The following ACOX3 variants were observed in gnomAD, a reference collection of about 807,000 sequenced individuals.
ACOX3 encodes the protein peroxisomal acyl-coenzyme A oxidase 3.
A neutral mutation model predicts 81.5 loss-of-function variants in ACOX3; 73 were observed. The ratio of observed to expected loss-of-function variants is 0.90; its 90% CI spans 0.74 to 1.09. ACOX3 has a LOEUF of 1.09. Ranked by LOEUF, ACOX3 falls within the 50% of genes least tolerant of loss-of-function variation. ACOX3 has a pLI of 0.00. For missense variants in ACOX3, 947 were observed against 928.0 expected (o/e 1.02, Z -0.27); for synonymous variants, 387 against 375.1 (o/e 1.03, Z -0.37).
At chr4:8,412,423 G>C (rs1406280919) in intron 5 of ACOX3, among the ~76,000 whole-genome samples, 1 of 140,060 alleles carries the variant, frequency 7.1e-6, no homozygotes, top group Non-Finnish European at 1.5e-5. Context: ...AGAATGAATG[G>C]ATGGATGGAA....
rs1344326392 is a variant in ACOX3, at chr4:8,389,093, C to G, written c.1537+80G>C. 8.1e-7 allele frequency: 1 copy of G among 1,232,770 alleles called. No homozygotes were observed. Among genetic ancestry groups the G allele is most frequent in the South Asian group, 1.3e-5 (1 of 77,226 alleles). The allele number at this position is 1,232,770 out of a possible 1,614,324, so 76.4% of individuals were successfully genotyped here. A position where few individuals can be genotyped will look rare whatever the true frequency, so the allele number is the denominator to read the frequency against. ...CCCGGCTGGAACTGCCAAGGGTCCC[C>G]TCACCGAGGCACGGTGCGTTTCCTG... On this transcript the variant is annotated intron_variant, in intron 13 of 17. Transcript: ENST00000356406. This position sits in a 1 kb window ranked among gnomAD's most constrained non-coding sequence, Gnocchi z 5.3.
chr4:8,393,776 T>C (rs1004378437), intron 10 of ACOX3, among the ~76,000 whole-genome samples: 5 of 152,142 alleles, frequency 3.3e-5, no homozygotes, highest in Admixed American at 2.0e-4. Context: ...ATCAGCCTGG[T>C]CACCCTTTAC....
At chr4:8,420,001 T>A (rs929238948) in intron 1 of ACOX3, among the ~76,000 whole-genome samples, 24 of 152,210 alleles carry the variant, frequency 1.6e-4, no homozygotes, top group Non-Finnish European at 2.6e-4. Context: ...AACCTCCAGT[T>A]ACTGAGCTGG....
At position 8,430,419 on chromosome 4, in the gene ACOX3, CACT is replaced by C. The variant is rs200994397; in HGVS notation, c.-15+10226_-15+10228del. Among the ~76,000 whole-genome samples, 1,198 of 152,286 alleles carry C rather than the reference CACT, an allele frequency of 7.9e-3. 18 individuals are homozygous for C. Among genetic ancestry groups the C allele is most frequent in the African/African-American group, 0.028 (1,148 of 41,566 alleles). On this transcript the variant is annotated intron_variant, in intron 1 of 17. Transcript: ENST00000356406. This position sits in a 1 kb window ranked among gnomAD's most constrained non-coding sequence, Gnocchi z 5.2. Reference sequence around the variant, plus strand: ...TCATGGTCTAATAAAAAATACACACCACTGTTTTTCAAATGTTTGGAGATACTG... The same window carrying C: ...TCATGGTCTAATAAAAAATACACACCGTTTTTCAAATGTTTGGAGATACTG...
rs565029171 is a variant in ACOX3, at chr4:8,399,317, G to A, written c.873+239C>T. Among the ~76,000 whole-genome samples, 1 of 152,358 alleles carries A rather than the reference G, an allele frequency of 6.6e-6. No homozygotes were observed. The highest frequency in any genetic ancestry group is 1.5e-5 in the Non-Finnish European group (1 of 68,040). On this transcript the variant is annotated intron_variant, in intron 8 of 17. Transcript: ENST00000356406. The surrounding 1 kb of genome is among the most constrained non-coding windows in gnomAD (Gnocchi z 4.9). Reference sequence around the variant, plus strand: ...TCCTCTAATCGCAGCCCCCGATGGGGAGTGGGCATTGTAAGGCCCGGACTC... The same window carrying A: ...TCCTCTAATCGCAGCCCCCGATGGGAAGTGGGCATTGTAAGGCCCGGACTC...
intron 6 of ACOX3, among the ~76,000 whole-genome samples, 162 bp downstream of exon 6, chr4:8,410,050 C>T (rs1286647449): frequency 1.3e-5 from 2 of 151,896 alleles, no homozygotes; most frequent in East Asian, 1.9e-4. Context: ...GCACTGTGGG[C>T]GGGGCTATGG....
rs1280058180 is a variant in ACOX3, at chr4:8,437,620, G to A, written c.-15+3028C>T. On this transcript the variant is annotated intron_variant, in intron 1 of 17. Transcript: ENST00000356406. This position sits in a 1 kb window ranked among gnomAD's most constrained non-coding sequence, Gnocchi z 5.2. ...AGAGAGATTAGCAATGCGAGAGGAC[G>A]TGGACACGGATGTAGACGTGGAAGA... Among the ~76,000 whole-genome samples the A allele has an allele frequency of 3.9e-5, 6 of 152,226 alleles. No homozygotes were observed. The highest frequency in any genetic ancestry group is 1.4e-4 in the African/African-American group (6 of 41,460).
chr4:8,432,477 C>A lies in ACOX3; in HGVS notation c.-15+8171G>T, dbSNP rs569430979. On this transcript the variant is annotated intron_variant, in intron 1 of 17. Transcript: ENST00000356406. The surrounding 1 kb of genome is among the most constrained non-coding windows in gnomAD (Gnocchi z 6.2). ...CTCGATCTCCTGACCTTGTGATCCA[C>A]CCACCTCGGCCTCCCAATGTGCTGG... Among the ~76,000 whole-genome samples the A allele has an allele frequency of 8.6e-4, 131 of 152,322 alleles. 1 individual carries two copies. Among genetic ancestry groups the A allele is most frequent in the African/African-American group, 3.1e-3 (129 of 41,576 alleles).
chr4:8,411,269 C>T (rs551007130), intron 5 of ACOX3, among the ~76,000 whole-genome samples: 25 of 152,330 alleles, frequency 1.6e-4, no homozygotes, highest in African/African-American at 5.3e-4. Flanking sequence ...TAGGGGCTGT[C>T]GTGGCTAAGT....
chr4:8,415,479 G>A (rs1045370711), intron 3 of ACOX3, among the ~76,000 whole-genome samples: 25 of 148,812 alleles, frequency 1.7e-4, no homozygotes, highest in Non-Finnish European at 2.8e-4. Flanking sequence ...AGTCCCAACA[G>A]CTCCTCTTCT....
intron 9 of ACOX3, among the ~76,000 whole-genome samples, chr4:8,396,705 T>A (rs1461370067): frequency 6.7e-6 from 1 of 149,834 alleles, no homozygotes; most frequent in East Asian, 2.0e-4. Context: ...AAAAAAAGAC[T>A]TGCTTCTTTC....
chr4:8,380,170 A>G (rs1206326785), intron 14 of ACOX3, among the ~76,000 whole-genome samples: 1 of 148,886 alleles, frequency 6.7e-6, no homozygotes, highest in Non-Finnish European at 1.5e-5. Flanking sequence ...CTTTTCAGTT[A>G]TAAATTCAAT....
At chr4:8,435,358 T>C (rs1297562765) in intron 1 of ACOX3, among the ~76,000 whole-genome samples, 1 of 152,230 alleles carries the variant, frequency 6.6e-6, no homozygotes, top group African/African-American at 2.4e-5. Flanking sequence ...TAGCCAGGCG[T>C]GCTGGCGGGC....
chr4:8,361,647 C>T (rs779401621), downstream of ACOX3, among the ~76,000 whole-genome samples: 11 of 152,020 alleles, frequency 7.2e-5, no homozygotes, highest in Non-Finnish European at 1.6e-4. Flanking sequence ...AAAAACCTGC[C>T]TATGACCTGC....
downstream of ACOX3, among the ~76,000 whole-genome samples, chr4:8,361,727 A>C (rs572609206): frequency 6.6e-6 from 1 of 152,320 alleles, no homozygotes; most frequent in South Asian, 2.1e-4. Flanking sequence ...AAACTGATTA[A>C]GTTTGAACAC....
At chr4:8,404,435 CTTTTTTT>C (rs370622347) in intron 7 of ACOX3, among the ~76,000 whole-genome samples, 1,288 of 125,368 alleles carry the variant, frequency 0.01, 17 homozygotes, top group African/African-American at 0.031. Flanking sequence ...TCTTGTTTTG[CTTTTTTT>C]TTTTTTTTTT....
intron 1 of ACOX3, among the ~76,000 whole-genome samples, chr4:8,436,760 G>A (rs1389838603): frequency 6.6e-6 from 1 of 151,608 alleles, no homozygotes; most frequent in Non-Finnish European, 1.5e-5. Flanking sequence ...GAGGTGGGCA[G>A]ATCAAGAGGT....
intron 8 of ACOX3, among the ~76,000 whole-genome samples, chr4:8,397,540 G>T (rs1719854834): frequency 6.6e-6 from 1 of 152,238 alleles, no homozygotes; most frequent in African/African-American, 2.4e-5. Context: ...TTTCCAGGGG[G>T]TTTCACGGAC....
At chr4:8,436,660 TAAGAGACTCTGTA>T (rs1311449731) in intron 1 of ACOX3, among the ~76,000 whole-genome samples, 3 of 152,282 alleles carry the variant, frequency 2.0e-5, no homozygotes, top group Non-Finnish European at 2.9e-5. Context: ...GTCAGTTTTA[TAAGAGACTCTGTA>T]AAGCATTCTG....
Sources: allele counts gnomAD v4.1 joint callset (sites outside exome capture counted in the v4.1 genomes callset), GRCh38; gene constraint gnomAD v4.1.1; non-coding constraint Gnocchi (gnomAD v3.1); transcripts MANE v1.5; gene names NCBI Gene and HGNC (gene_info 2026-07-23, HGNC 2026-07-21).